Variants in ARK2C observed in about 807,000 individuals in gnomAD.
ARK2C encodes the protein E3 ubiquitin-protein ligase ARK2C.
the ARK2C span, among the ~76,000 whole-genome samples, chr18:46,435,979 A>G: frequency 6.6e-6 from 1 of 152,184 alleles, no homozygotes; most frequent in African/African-American, 2.4e-5. Context: ...TTTGCAGATA[A>G]TGGGCCCCTG....
At chr18:46,442,679 G>T in the ARK2C span, among the ~76,000 whole-genome samples, 8 of 152,120 alleles carry the variant, frequency 5.3e-5, no homozygotes, top group Non-Finnish European at 1.2e-4. Flanking sequence ...TTAGTCGACA[G>T]TATTGTTCAG....
At chr18:46,451,491 T>A in the ARK2C span, among the ~76,000 whole-genome samples, 3 of 152,138 alleles carry the variant, frequency 2.0e-5, no homozygotes, top group Non-Finnish European at 2.9e-5. Context: ...TGGAATATTA[T>A]TCTGCAATAA....
chr18:46,401,354 C>G, the ARK2C span, among the ~76,000 whole-genome samples: 1 of 152,202 alleles, frequency 6.6e-6, no homozygotes, highest in Non-Finnish European at 1.5e-5. Flanking sequence ...TCACCAACAT[C>G]AAATGTCAGT....
chr18:46,380,054 C>T, the ARK2C span, among the ~76,000 whole-genome samples: 3 of 152,260 alleles, frequency 2.0e-5, no homozygotes, highest in Admixed American at 1.3e-4. Context: ...TTTCCCCATC[C>T]ATGAGCTCTG....
chr18:46,366,166 T>C, the ARK2C span, among the ~76,000 whole-genome samples: 1 of 151,500 alleles, frequency 6.6e-6, no homozygotes, highest in African/African-American at 2.4e-5. Context: ...GTGGCACATG[T>C]CTGTAATCCC....
At chr18:46,428,277 C>T in the ARK2C span, among the ~76,000 whole-genome samples, 3 of 152,126 alleles carry the variant, frequency 2.0e-5, no homozygotes, top group Non-Finnish European at 4.4e-5. Context: ...GGTGTGGTGG[C>T]AGGCGCCTGT....
At chr18:46,380,583 A>T in the ARK2C span, among the ~76,000 whole-genome samples, 1 of 152,122 alleles carries the variant, frequency 6.6e-6, no homozygotes, top group Non-Finnish European at 1.5e-5. Flanking sequence ...ATCCTTCAGA[A>T]GCTGCTGCCT....
At chr18:46,381,576 G>T in the ARK2C span, among the ~76,000 whole-genome samples, 1 of 152,164 alleles carries the variant, frequency 6.6e-6, no homozygotes, top group South Asian at 2.1e-4. Context: ...CACACCTGTA[G>T]TGCCAACAGT....
the ARK2C span, chr18:46,450,197 C>T: frequency 2.6e-6 from 2 of 782,760 alleles, no homozygotes; most frequent in Non-Finnish European, 4.7e-6. Flanking sequence ...CACAGCATCT[C>T]AGGGTGTACT....
the ARK2C span, among the ~76,000 whole-genome samples, chr18:46,413,057 T>C: frequency 1.3e-5 from 2 of 151,968 alleles, no homozygotes; most frequent in African/African-American, 4.8e-5. Flanking sequence ...AGCCGGGGGA[T>C]GGGGGAGCTC....
chr18:46,348,229 T>TG, the ARK2C span, among the ~76,000 whole-genome samples: 242 of 4,958 alleles, frequency 0.049, 1 homozygote, highest in Middle Eastern at 0.25. Context: ...GCCAAGGGGC[T>TG]GGGGGGGGTG....
At chr18:46,433,590 G>A in the ARK2C span, 2 of 1,221,794 alleles carry the variant, frequency 1.6e-6, no homozygotes, top group East Asian at 2.5e-5. Flanking sequence ...GCCAGGACGA[G>A]GGCGTGGCCC....
the ARK2C span, among the ~76,000 whole-genome samples, chr18:46,339,320 C>T: frequency 6.6e-6 from 1 of 152,116 alleles, no homozygotes; most frequent in Non-Finnish European, 1.5e-5. Flanking sequence ...TTTCATTTTT[C>T]TAAATTTTTG....
the ARK2C span, among the ~76,000 whole-genome samples, chr18:46,346,351 C>T: frequency 1.3e-5 from 2 of 152,232 alleles, no homozygotes; most frequent in African/African-American, 4.8e-5. Context: ...AGTGGCATTA[C>T]GTACATTCAC....
chr18:46,392,400 AGGCCCTCAG>A, the ARK2C span, among the ~76,000 whole-genome samples: 18 of 152,358 alleles, frequency 1.2e-4, no homozygotes, highest in African/African-American at 3.8e-4. Context: ...CCCCAGGCTA[AGGCCCTCAG>A]GGCCCTCAGG....
At chr18:46,342,690 C>T in the ARK2C span, among the ~76,000 whole-genome samples, 1 of 152,160 alleles carries the variant, frequency 6.6e-6, no homozygotes, top group Non-Finnish European at 1.5e-5. Flanking sequence ...GCCTTGAGCC[C>T]CAAGATGAGG....
At chr18:46,449,497 C>A in the ARK2C span, among the ~76,000 whole-genome samples, 1 of 152,150 alleles carries the variant, frequency 6.6e-6, no homozygotes, top group Non-Finnish European at 1.5e-5. Flanking sequence ...GGAGGCAGTG[C>A]AGAGTAGGAG....
At chr18:46,381,515 C>T in the ARK2C span, among the ~76,000 whole-genome samples, 2 of 152,096 alleles carry the variant, frequency 1.3e-5, no homozygotes, top group African/African-American at 4.8e-5. Context: ...AGAGAAGCCT[C>T]CTGGAGGGAA....
chr18:46,459,384 A>G, the ARK2C span: 1 of 152,222 alleles, frequency 6.6e-6, no homozygotes. Context: ...ACACATCTTC[A>G]AGGCGGCAGA....
Sources: allele counts gnomAD v4.1 joint callset (sites outside exome capture counted in the v4.1 genomes callset), GRCh38; gene constraint gnomAD v4.1.1; transcripts MANE v1.5; gene names NCBI Gene and HGNC (gene_info 2026-07-23, HGNC 2026-07-21).